CAMTA1: variants seen among roughly 807,000 people sequenced by gnomAD.
CAMTA1 encodes the protein calmodulin-binding transcription activator 1.
Under a neutral mutation model 170.9 loss-of-function variants are expected in CAMTA1, and 27 were observed. The ratio of observed to expected loss-of-function variants is 0.16; its 90% CI spans 0.12 to 0.22. The LOEUF (loss-of-function observed/expected upper bound fraction) is 0.22, where lower values mean the gene tolerates loss of function less well. Ranked by LOEUF, CAMTA1 falls within the 10% of genes least tolerant of loss-of-function variation. The pLI is 1.00. For missense variants in CAMTA1, 1,619 were observed against 2,217.2 expected, an observed-to-expected ratio of 0.73 and a Z score of 5.42; for synonymous variants, 833 against 891.5, an observed-to-expected ratio of 0.93 and a Z score of 1.17.
At chr1:7,492,838 C>T (rs972635232) in intron 6 of CAMTA1, among the ~76,000 whole-genome samples, 1 of 147,354 alleles carries the variant, frequency 6.8e-6, no homozygotes, top group Non-Finnish European at 1.5e-5. Flanking sequence ...CATACAAACA[C>T]GCACACGCAC....
chr1:7,166,046 G>C (rs190479057), intron 4 of CAMTA1, among the ~76,000 whole-genome samples: 5 of 148,038 alleles, frequency 3.4e-5, no homozygotes, highest in Admixed American at 6.7e-5. Context: ...CTCTCTAAGC[G>C]GGGGGGTGTG....
chr1:6,839,320 T>G (rs1292476672), intron 3 of CAMTA1, among the ~76,000 whole-genome samples: 2 of 152,006 alleles, frequency 1.3e-5, no homozygotes, highest in Non-Finnish European at 2.9e-5. Context: ...AGGCAGAGGT[T>G]GCAGTGAGTC....
At chr1:7,483,966 T>G (rs1010197811) in intron 6 of CAMTA1, among the ~76,000 whole-genome samples, 2 of 152,190 alleles carry the variant, frequency 1.3e-5, no homozygotes. Context: ...ACTTTGACCC[T>G]TGGCCAGGGA....
chr1:7,541,927 G>A (rs1037049405), intron 6 of CAMTA1, among the ~76,000 whole-genome samples: 5 of 152,128 alleles, frequency 3.3e-5, no homozygotes, highest in Admixed American at 2.0e-4. Flanking sequence ...CACCAGCACC[G>A]TCCATGTTTC....
intron 3 of CAMTA1, among the ~76,000 whole-genome samples, chr1:6,894,179 C>T (rs1251003619): frequency 2.6e-5 from 4 of 152,164 alleles, no homozygotes; most frequent in East Asian, 1.9e-4. Context: ...CCCATCTACC[C>T]GGAACTGAAA....
intron 3 of CAMTA1, among the ~76,000 whole-genome samples, chr1:6,935,990 G>A (rs568479549): frequency 2.0e-5 from 3 of 152,294 alleles, no homozygotes; most frequent in East Asian, 1.9e-4. Flanking sequence ...CGAGGCTGTC[G>A]GAGGTCTAAC....
intron 5 of CAMTA1, among the ~76,000 whole-genome samples, chr1:7,444,639 G>A (rs1359657757): frequency 1.3e-5 from 2 of 152,250 alleles, no homozygotes; most frequent in Non-Finnish European, 2.9e-5. Flanking sequence ...AGAGGGTCAT[G>A]GGGGCACCGA....
At chr1:7,639,802 G>C (rs537477937) in intron 6 of CAMTA1, among the ~76,000 whole-genome samples, 1 of 152,054 alleles carries the variant, frequency 6.6e-6, no homozygotes, top group Non-Finnish European at 1.5e-5. Context: ...TCATTGCAGG[G>C]CTGTTTGTCA....
intron 5 of CAMTA1, among the ~76,000 whole-genome samples, chr1:7,256,630 C>G (rs1574244018): frequency 6.6e-6 from 1 of 152,296 alleles, no homozygotes; most frequent in Non-Finnish European, 1.5e-5. Flanking sequence ...TCACAAAGGC[C>G]TGGCAGGGTG....
intron 5 of CAMTA1, among the ~76,000 whole-genome samples, chr1:7,306,965 G>C (rs1053509627): frequency 3.3e-5 from 5 of 151,754 alleles, no homozygotes; most frequent in Non-Finnish European, 7.4e-5. Context: ...TATATGGGAG[G>C]GTAAGCATAG....
chr1:6,989,578 AT>A (rs1695973269), intron 3 of CAMTA1, among the ~76,000 whole-genome samples: 1 of 152,200 alleles, frequency 6.6e-6, no homozygotes, highest in Admixed American at 6.5e-5. Flanking sequence ...CGTTCAAGGT[AT>A]CTGCTCTGTT....
At chr1:6,899,142 T>C (rs923987586) in intron 3 of CAMTA1, among the ~76,000 whole-genome samples, 3 of 152,218 alleles carry the variant, frequency 2.0e-5, no homozygotes, top group Non-Finnish European at 4.4e-5. Context: ...TCCCCATCTT[T>C]GATGCACTGT....
At chr1:7,040,744 GAC>G (rs1454566270) in intron 3 of CAMTA1, among the ~76,000 whole-genome samples, 1 of 143,794 alleles carries the variant, frequency 7.0e-6, no homozygotes, top group African/African-American at 2.6e-5. Context: ...TTTTTTTAAA[GAC>G]AGAGTCTCAC....
chr1:7,627,610 G>C (rs1229887897), intron 6 of CAMTA1, among the ~76,000 whole-genome samples: 2 of 152,220 alleles, frequency 1.3e-5, no homozygotes, highest in Non-Finnish European at 2.9e-5. Flanking sequence ...AAAGCTCACA[G>C]CTAGGAGGTA....
intron 3 of CAMTA1, among the ~76,000 whole-genome samples, chr1:7,024,046 G>A (rs4908436): frequency 0.17 from 21,073 of 126,166 alleles, 1,858 homozygotes; most frequent in African/African-American, 0.23. Flanking sequence ...AAAAAAAAAA[G>A]AAAGAAAGAA....
chr1:7,226,113 T>C (rs376178282), intron 4 of CAMTA1, among the ~76,000 whole-genome samples: 1 of 152,152 alleles, frequency 6.6e-6, no homozygotes. Flanking sequence ...GCTTTTTAAC[T>C]CTGCTCAATG....
At chr1:7,103,510 T>TACACACGTACACACA (rs1491087638) in intron 4 of CAMTA1, among the ~76,000 whole-genome samples, 16 of 130,554 alleles carry the variant, frequency 1.2e-4, no homozygotes, top group Non-Finnish European at 1.6e-5. Context: ...AGATACACAC[T>TACACACGTACACACA]ACACACGTAC....
intron 16 of CAMTA1, among the ~76,000 whole-genome samples, chr1:7,744,128 C>CTTT (rs60348958): frequency 2.4e-5 from 2 of 84,248 alleles, no homozygotes; most frequent in Non-Finnish European, 2.3e-5. Flanking sequence ...CGCCTGGCCT[C>CTTT]TTTTTTTTTT....
intron 5 of CAMTA1, among the ~76,000 whole-genome samples, chr1:7,375,134 T>C (rs2086748784): frequency 6.6e-6 from 1 of 152,178 alleles, no homozygotes; most frequent in South Asian, 2.1e-4. Flanking sequence ...CTTGCAGGGC[T>C]CCTTGGTAGA....
Sources: gnomAD v4.1 joint callset for allele counts (sites outside exome capture counted in the v4.1 genomes callset) on GRCh38, gnomAD v4.1.1 for gene constraint, MANE v1.5 for transcripts, NCBI Gene and HGNC (gene_info 2026-07-23, HGNC 2026-07-21) for gene names.